Variants in BTRC observed in about 807,000 individuals in gnomAD.
BTRC encodes F-box/WD repeat-containing protein 1A.
Under a neutral mutation model 85.5 loss-of-function variants are expected in BTRC, and 42 were observed. That is an observed-to-expected ratio of 0.49 (90% CI 0.38 to 0.64). The LOEUF (loss-of-function observed/expected upper bound fraction) is 0.64. BTRC is among the 30% of genes least tolerant of loss of function. BTRC has a pLI of 0.00. For synonymous variants in BTRC, 255 were observed against 263.3 expected (o/e 0.97, Z 0.30); for missense variants, 594 against 743.5 (o/e 0.80, Z 2.34).
chr10:101,503,709 A>G (rs1178027100), intron 4 of BTRC, among the ~76,000 whole-genome samples: 2 of 152,214 alleles, frequency 1.3e-5, no homozygotes, highest in Admixed American at 6.5e-5. Flanking sequence ...ACATGCATTA[A>G]CAAGCATTTG....
In BTRC at chr10:101,532,909, C is replaced by G. The variant is rs375671227; in HGVS notation, c.979-43C>G. The G allele has an allele frequency of 2.6e-5, 38 of 1,454,294 alleles. No homozygotes were observed. The African/African-American group carries it at 4.3e-4, about 17-fold the overall frequency. The allele number at this position is 1,454,294 out of a possible 1,614,324, so 90.1% of individuals were successfully genotyped here. A position where few individuals can be genotyped will look rare whatever the true frequency, so the allele number is the denominator to read the frequency against. On this transcript the variant is annotated intron_variant, in intron 8 of 14. Coordinates refer to ENST00000370187, the MANE Select transcript of BTRC (RefSeq NM_033637.4). ...TAGGACCAACAAGTCTCCACAGCAC[C>G]CCATCATCACATTGATCAAAAGGAT...
intron 2 of BTRC, among the ~76,000 whole-genome samples, chr10:101,458,871 A>G (rs901057147): frequency 1.3e-5 from 2 of 152,134 alleles, no homozygotes; most frequent in African/African-American, 4.8e-5. Flanking sequence ...CTCTTTTTTC[A>G]TTGTAACTAT....
chr10:101,515,016 C>T (rs2062004430), intron 4 of BTRC, among the ~76,000 whole-genome samples: 1 of 151,988 alleles, frequency 6.6e-6, no homozygotes. Context: ...AGTGCAGTGG[C>T]ACGATCTCGG....
chr10:101,535,223 T>G, intron 10 of BTRC, 131 bp from the exon 11 acceptor site: 1 of 790,658 alleles, frequency 1.3e-6, no homozygotes, highest in South Asian at 1.7e-5. Context: ...AATTGTCCTT[T>G]GTTTTATTTG....
intron 2 of BTRC, among the ~76,000 whole-genome samples, chr10:101,436,038 A>C (rs1222754202): frequency 2.0e-5 from 3 of 152,200 alleles, no homozygotes; most frequent in African/African-American, 7.2e-5. Flanking sequence ...AACTAGTGAC[A>C]GGGAAGATGC....
Position 101,366,995 on chromosome 10 carries a change from AATATATATATTT to A in BTRC, c.48+12784_48+12795del, listed in dbSNP as rs1192900608. Among the ~76,000 whole-genome samples the A allele has an allele frequency of 2.1e-4, 7 of 32,638 alleles. 1 individual carries two copies. The highest frequency in any genetic ancestry group is 4.3e-4 in the East Asian group (1 of 2,332). 21.4% of individuals were successfully genotyped at this position (32,638 alleles called of 152,430 possible). Reference sequence around the variant, plus strand: ...ATATATTTATATATTTATATATATTAATATATATATTTATATATATATTTATATTTATATATT... The same window carrying A: ...ATATATTTATATATTTATATATATTAATATATATATTTATATTTATATATT... On this transcript the variant is annotated intron_variant, in intron 1 of 14. Transcript: ENST00000370187.
At chr10:101,380,488 C>G (rs969580373) in intron 1 of BTRC, among the ~76,000 whole-genome samples, 1 of 151,930 alleles carries the variant, frequency 6.6e-6, no homozygotes, top group African/African-American at 2.4e-5. Flanking sequence ...GCACAGCAGC[C>G]GGGCAGAGGT....
intron 4 of BTRC, among the ~76,000 whole-genome samples, chr10:101,512,790 T>C (rs938445266): frequency 2.0e-5 from 3 of 152,212 alleles, no homozygotes; most frequent in African/African-American, 7.2e-5. Context: ...TTAACTCCTT[T>C]CATTTTGTGT....
At chr10:101,548,257 AG>A (rs2062589076) in intron 13 of BTRC, among the ~76,000 whole-genome samples, 1 of 152,236 alleles carries the variant, frequency 6.6e-6, no homozygotes, top group Non-Finnish European at 1.5e-5. Context: ...GCATATATTC[AG>A]CAAAAGACAC....
At chr10:101,440,550 A>G (rs1944652780) in intron 2 of BTRC, among the ~76,000 whole-genome samples, 1 of 152,002 alleles carries the variant, frequency 6.6e-6, no homozygotes. Context: ...GTGAAACCCC[A>G]TCTTTACCAA....
At position 101,505,779 on chromosome 10, in the gene BTRC, T is replaced by A. The variant is rs572227569; in HGVS notation, c.325-15860T>A. 7.7e-4 allele frequency among the ~76,000 whole-genome samples: 118 copies of A among 152,324 alleles called. 2 individuals carry two copies. The South Asian group carries it at 0.024, about 31-fold the overall frequency. On this transcript the variant is annotated intron_variant, in intron 4 of 14. Coordinates refer to ENST00000370187, the MANE Select transcript of BTRC (RefSeq NM_033637.4). ...TAAAATGTGTCTACTGTAAATGCTATTTTTAGAAAATGAATTAAACATTCT... is the reference window on the plus strand; with the variant it reads ...TAAAATGTGTCTACTGTAAATGCTAATTTTAGAAAATGAATTAAACATTCT...
At chr10:101,453,346 T>G (rs1466419803) in intron 2 of BTRC, among the ~76,000 whole-genome samples, 1 of 152,186 alleles carries the variant, frequency 6.6e-6, no homozygotes, top group Non-Finnish European at 1.5e-5. Context: ...CCACCACAAT[T>G]TACCTGCTTT....
chr10:101,421,617 T>G, intron 1 of BTRC, among the ~76,000 whole-genome samples: 1 of 63,424 alleles, frequency 1.6e-5, no homozygotes, highest in East Asian at 5.8e-4. Context: ...CCCTCCCCCC[T>G]CCCCCCTCCC....
At chr10:101,505,946 G>T (rs757177690) in intron 4 of BTRC, among the ~76,000 whole-genome samples, 13 of 149,384 alleles carry the variant, frequency 8.7e-5, no homozygotes, top group Non-Finnish European at 1.9e-4. Context: ...ACGGAGTCTC[G>T]CTGTGTCGCC....
intron 1 of BTRC, among the ~76,000 whole-genome samples, chr10:101,403,401 A>G (rs1349395879): frequency 6.6e-6 from 1 of 152,172 alleles, no homozygotes; most frequent in Non-Finnish European, 1.5e-5. Context: ...AATCCTACTT[A>G]GTCATGGTGT....
Position 101,535,427 on chromosome 10 carries a change from A to C in BTRC, c.1421A>C (p.Tyr474Ser), listed in dbSNP as rs1311510710. The change falls in exon 11 of 15, where the codon TAC (tyrosine) becomes TCC (serine). Residue 474 changes from tyrosine to serine, a missense_variant. Around this residue, in one of 4 missense-constraint regions of BTRC, gnomAD observed 373 missense variants for 503.6 expected, o/e 0.74. Coordinates refer to ENST00000370187, the MANE Select transcript of BTRC (RefSeq NM_033637.4). ...AAACGAGGCATTGCCTGTTTGCAGT[A>C]CAGGGACAGGCTGGTAGTGAGTGGC... ...GHKRGIACLQYRDRLVVSGSS... is the reference protein window; with the variant it reads ...GHKRGIACLQSRDRLVVSGSS... 6.2e-7 allele frequency: 1 copy of C among 1,614,066 alleles called. No individual in the cohort carries two copies. Among genetic ancestry groups the C allele is most frequent in the Non-Finnish European group, 8.5e-7 (1 of 1,180,030 alleles).
At chr10:101,538,690 G>A (rs934868852) in intron 13 of BTRC, among the ~76,000 whole-genome samples, 5 of 152,106 alleles carry the variant, frequency 3.3e-5, no homozygotes, top group African/African-American at 9.7e-5. Flanking sequence ...AAGGGAGAGA[G>A]AATATAATTA....
chr10:101,532,798 G>GCGCA (rs1491437741), intron 8 of BTRC, among the ~76,000 whole-genome samples, 154 bp from the exon 9 acceptor site: 4 of 16,636 alleles, frequency 2.4e-4, no homozygotes, highest in African/African-American at 1.6e-3. Context: ...GTGCGCGTGT[G>GCGCA]CGCGCGCGCG....
intron 4 of BTRC, among the ~76,000 whole-genome samples, chr10:101,520,418 T>A (rs1346732784): frequency 6.6e-6 from 1 of 152,220 alleles, no homozygotes; most frequent in East Asian, 1.9e-4. Context: ...ACTGTCATTT[T>A]TGTTCACTGT....
Sources: gnomAD v4.1 joint callset for allele counts (sites outside exome capture counted in the v4.1 genomes callset) on GRCh38, gnomAD v4.1.1 for gene constraint, gnomAD v4.1.1 regional missense constraint, MANE v1.5 for transcripts, NCBI Gene and HGNC (gene_info 2026-07-23, HGNC 2026-07-21) for gene names.